The following ADARB2 variants were observed in gnomAD, a reference collection of about 807,000 sequenced individuals.
The protein encoded by ADARB2 is adenosine deaminase RNA specific B2 (inactive).
In ADARB2, 25 loss-of-function variants were observed where a neutral mutation model predicts 62.2. The observed-to-expected ratio is 0.40, with a 90% CI of 0.29 to 0.56. The LOEUF (loss-of-function observed/expected upper bound fraction) is 0.56, where lower values mean the gene tolerates loss of function less well. ADARB2 is among the 20% of genes least tolerant of loss of function. The probability of loss-of-function intolerance (pLI) is 0.43; values close to 1 mark genes in which losing one functional copy is unlikely to be tolerated. For missense variants in ADARB2, 1,071 were observed against 1,077.4 expected (o/e 0.99, Z 0.08); for synonymous variants, 572 against 500.8 (o/e 1.14, Z -1.90).
chr10:1,316,275 A>T (rs1831738352), intron 3 of ADARB2, among the ~76,000 whole-genome samples: 1 of 152,238 alleles, frequency 6.6e-6, no homozygotes, highest in South Asian at 2.1e-4. Flanking sequence ...AAGGGAGTGG[A>T]TGGTGCCAGG....
At chr10:1,204,361 A>G (rs1035174477) in intron 7 of ADARB2, among the ~76,000 whole-genome samples, 1 of 152,218 alleles carries the variant, frequency 6.6e-6, no homozygotes, top group African/African-American at 2.4e-5. Context: ...CCAGTCTTGA[A>G]GGGGCTGTTT....
At chr10:1,496,114 C>G (rs1831687038) in intron 1 of ADARB2, among the ~76,000 whole-genome samples, 1 of 151,922 alleles carries the variant, frequency 6.6e-6, no homozygotes, top group South Asian at 2.1e-4. Context: ...TCACCATCAT[C>G]ATCATTATCG....
chr10:1,565,974 T>C (rs768340198), intron 1 of ADARB2, among the ~76,000 whole-genome samples: 1 of 150,116 alleles, frequency 6.7e-6, no homozygotes, highest in Non-Finnish European at 1.5e-5. Flanking sequence ...TGCAGAGCCC[T>C]CCATGTAGGC....
intron 1 of ADARB2, among the ~76,000 whole-genome samples, chr10:1,727,739 C>T (rs1033063785): frequency 6.6e-6 from 1 of 152,012 alleles, no homozygotes; most frequent in Non-Finnish European, 1.5e-5. Context: ...GTTCCCTGTT[C>T]GGATTTCATG....
intron 1 of ADARB2, among the ~76,000 whole-genome samples, chr10:1,641,142 T>C (rs1833974150): frequency 6.6e-6 from 1 of 152,250 alleles, no homozygotes; most frequent in African/African-American, 2.4e-5. Context: ...ATGAACACCA[T>C]GTGTTACCAA....
At chr10:1,489,560 G>A (rs983195260) in intron 1 of ADARB2, among the ~76,000 whole-genome samples, 10 of 152,164 alleles carry the variant, frequency 6.6e-5, no homozygotes, top group South Asian at 2.1e-4. Context: ...TTGCATTAGC[G>A]GAAGAAAAAC....
At chr10:1,591,283 G>T (rs1450666650) in intron 1 of ADARB2, among the ~76,000 whole-genome samples, 1 of 152,208 alleles carries the variant, frequency 6.6e-6, no homozygotes, top group Non-Finnish European at 1.5e-5. Context: ...ACACTGCAGG[G>T]CTGCTCGGAG....
At chr10:1,435,003 A>AG (rs1830818452) in intron 1 of ADARB2, among the ~76,000 whole-genome samples, 2 of 152,344 alleles carry the variant, frequency 1.3e-5, no homozygotes, top group South Asian at 2.1e-4. Flanking sequence ...TCCGGGAACA[A>AG]GGGCACTTGG....
At chr10:1,373,733 C>T (rs1832394616) in intron 2 of ADARB2, among the ~76,000 whole-genome samples, 2 of 152,140 alleles carry the variant, frequency 1.3e-5, no homozygotes, top group Non-Finnish European at 2.9e-5. Flanking sequence ...ACTTCTTCTC[C>T]CTGGAAAATT....
intron 3 of ADARB2, among the ~76,000 whole-genome samples, chr10:1,317,059 G>A (rs529511240): frequency 4.6e-5 from 7 of 152,360 alleles, no homozygotes; most frequent in African/African-American, 1.4e-4. Flanking sequence ...GGGCACTGCC[G>A]TGGCAAAATA....
At chr10:1,250,804 G>C (rs974091657) in intron 4 of ADARB2, among the ~76,000 whole-genome samples, 1 of 152,188 alleles carries the variant, frequency 6.6e-6, no homozygotes, top group African/African-American at 2.4e-5. Context: ...TTCTGAAAAA[G>C]AAGGCTAATG....
intron 1 of ADARB2, among the ~76,000 whole-genome samples, chr10:1,696,883 G>C (rs1004063004): frequency 9.9e-5 from 15 of 152,096 alleles, no homozygotes; most frequent in Non-Finnish European, 2.2e-4. Context: ...CCAACCTGCA[G>C]CCTATGGGCC....
chr10:1,370,196 A>G (rs1194508583), intron 2 of ADARB2, among the ~76,000 whole-genome samples: 1 of 152,258 alleles, frequency 6.6e-6, no homozygotes, highest in Admixed American at 6.5e-5. Flanking sequence ...AACTAAAAAC[A>G]AAAAACATAG....
At chr10:1,632,617 G>C (rs1252156051) in intron 1 of ADARB2, among the ~76,000 whole-genome samples, 1 of 152,200 alleles carries the variant, frequency 6.6e-6, no homozygotes, top group Non-Finnish European at 1.5e-5. Context: ...TGAGACTAGA[G>C]GGGAAATAAC....
intron 1 of ADARB2, among the ~76,000 whole-genome samples, chr10:1,496,756 T>A (rs1298625521): frequency 6.6e-6 from 1 of 151,984 alleles, no homozygotes; most frequent in Non-Finnish European, 1.5e-5. Context: ...TTATCATCAT[T>A]GTCATTATCA....
At chr10:1,729,257 G>A (rs918745577) in intron 1 of ADARB2, among the ~76,000 whole-genome samples, 2 of 152,174 alleles carry the variant, frequency 1.3e-5, no homozygotes, top group African/African-American at 4.8e-5. Flanking sequence ...CAAATCATTT[G>A]TAGATCCCCA....
chr10:1,421,502 C>T (rs1832852683), intron 1 of ADARB2, among the ~76,000 whole-genome samples: 1 of 152,104 alleles, frequency 6.6e-6, no homozygotes, highest in Non-Finnish European at 1.5e-5. Context: ...TCTTTCATTA[C>T]AGAGTCTTAT....
chr10:1,535,599 T>A (rs1832321109), intron 1 of ADARB2: 1 of 167,498 alleles, frequency 6.0e-6, no homozygotes, highest in South Asian at 2.1e-4. Flanking sequence ...CAGACGGCAA[T>A]GTCGCTGATG....
At chr10:1,627,886 G>A (rs975528843) in intron 1 of ADARB2, among the ~76,000 whole-genome samples, 4 of 152,198 alleles carry the variant, frequency 2.6e-5, no homozygotes, top group Admixed American at 6.5e-5. Context: ...ACTTGAAGAG[G>A]TGGAGCTGGA....
Sources: gnomAD v4.1 joint callset for allele counts (sites outside exome capture counted in the v4.1 genomes callset) on GRCh38, gnomAD v4.1.1 for gene constraint, MANE v1.5 for transcripts, NCBI Gene and HGNC (gene_info 2026-07-23, HGNC 2026-07-21) for gene names.